The following DROSHA variants were observed in gnomAD, a reference collection of about 807,000 sequenced individuals.
DROSHA encodes ribonuclease 3.
Under a neutral mutation model 181.9 loss-of-function variants are expected in DROSHA, and 56 were observed. The ratio of observed to expected loss-of-function variants is 0.31; its 90% CI spans 0.25 to 0.38. DROSHA has a LOEUF of 0.38. DROSHA is among the 10% of genes least tolerant of loss of function. DROSHA has a pLI of 1.00. For missense variants in DROSHA, 1,218 were observed against 1,743.5 expected, an observed-to-expected ratio of 0.70 and a Z score of 5.37; for synonymous variants, 524 against 591.2, an observed-to-expected ratio of 0.89 and a Z score of 1.65.
intron 11 of DROSHA, among the ~76,000 whole-genome samples, chr5:31,501,309 C>G (rs1463521188): frequency 2.0e-5 from 3 of 152,086 alleles, no homozygotes; most frequent in African/African-American, 7.2e-5. Context: ...AGTGGGTCTA[C>G]TGAATCACAG....
At chr5:31,406,822 C>T (rs1740715320) in intron 34 of DROSHA, 31 bp downstream of exon 34, 1 of 1,598,796 alleles carries the variant, frequency 6.3e-7, no homozygotes, top group Non-Finnish European at 8.6e-7. Context: ...GATGTTCATT[C>T]AAAGCAATTC....
chr5:31,513,205 C>T (rs1031226649), intron 8 of DROSHA, among the ~76,000 whole-genome samples: 10 of 152,164 alleles, frequency 6.6e-5, no homozygotes, highest in Non-Finnish European at 1.3e-4. Context: ...CTGCATCCTG[C>T]GTGTGAGGAT....
At position 31,514,202 on chromosome 5, in the gene DROSHA, TCTTC is replaced by T. The variant is rs1739017238; in HGVS notation, c.1290+782_1290+785del. ...ACACTTCGAAGAGACAAACTCAAAT[TCTTC>T]CTTATTTTTCATTTTGGAGAAAACA... On this transcript the variant is annotated intron_variant, in intron 8 of 35. Coordinates refer to ENST00000344624, the MANE Select transcript of DROSHA (RefSeq NM_001382508.1). This position sits in a 1 kb window ranked among gnomAD's most constrained non-coding sequence, Gnocchi z 4.4. 1.3e-5 allele frequency among the ~76,000 whole-genome samples: 2 copies of T among 151,214 alleles called. No individual in the cohort carries two copies. Among genetic ancestry groups the T allele is most frequent in the South Asian group, 4.2e-4 (2 of 4,808 alleles).
chr5:31,404,210 T>C (rs1740380984), intron 35 of DROSHA, among the ~76,000 whole-genome samples: 1 of 152,130 alleles, frequency 6.6e-6, no homozygotes, highest in South Asian at 2.1e-4. Flanking sequence ...CCTACCAGTA[T>C]GGATATGCAG....
chr5:31,514,919 G>T lies in DROSHA; in HGVS notation c.1290+69C>A. On this transcript the variant is annotated intron_variant, in intron 8 of 35. Coordinates refer to ENST00000344624, the MANE Select transcript of DROSHA (RefSeq NM_001382508.1). This position sits in a 1 kb window ranked among gnomAD's most constrained non-coding sequence, Gnocchi z 4.4. ...GTCCCCACAATCAAGAATTTATCCA[G>T]CCCCAAAGGCCAATAGTGACAACGC... is the stretch of plus-strand genomic sequence containing the variant. 4 of 1,440,660 alleles carry T rather than the reference G, an allele frequency of 2.8e-6. No individual in the cohort carries two copies. The highest frequency in any genetic ancestry group is 2.9e-6 in the Non-Finnish European group (3 of 1,045,530). 89.2% of individuals were successfully genotyped at this position (1,440,660 alleles called of 1,614,324 possible). A position where few individuals can be genotyped will look rare whatever the true frequency, so the allele number is the denominator to read the frequency against.
At chr5:31,498,166 G>A (rs566868545) in intron 11 of DROSHA, among the ~76,000 whole-genome samples, 2 of 152,302 alleles carry the variant, frequency 1.3e-5, no homozygotes, top group Admixed American at 1.3e-4. Flanking sequence ...GTAGACTGCT[G>A]ACACAGGCTG....
At chr5:31,490,761 G>T (rs1440833125) in intron 13 of DROSHA, among the ~76,000 whole-genome samples, 1 of 152,066 alleles carries the variant, frequency 6.6e-6, no homozygotes, top group Non-Finnish European at 1.5e-5. Flanking sequence ...TCCTTAGGAG[G>T]CTATTTCAAA....
chr5:31,463,849 CAT>C (rs1748708417), intron 20 of DROSHA, among the ~76,000 whole-genome samples: 1 of 152,164 alleles, frequency 6.6e-6, no homozygotes, highest in Non-Finnish European at 1.5e-5. Context: ...GTCTAGAAAA[CAT>C]ACACTTTACG....
chr5:31,475,294 GAGAACAAAGTA>G (rs1455837546), intron 16 of DROSHA, among the ~76,000 whole-genome samples: 1 of 152,140 alleles, frequency 6.6e-6, no homozygotes, highest in Admixed American at 6.5e-5. Flanking sequence ...CTCCAACCTG[GAGAACAAAGTA>G]AGACCCTGTC....
intron 10 of DROSHA, among the ~76,000 whole-genome samples, chr5:31,507,195 T>C (rs1738074494): frequency 6.6e-6 from 1 of 152,066 alleles, no homozygotes; most frequent in Non-Finnish European, 1.5e-5. Flanking sequence ...GCGCAGTGGC[T>C]CACACCTGTA....
At chr5:31,527,442 G>A (rs969095299) in intron 4 of DROSHA, 5 of 155,402 alleles carry the variant, frequency 3.2e-5, no homozygotes, top group African/African-American at 1.2e-4. Flanking sequence ...GGTCTCCCTT[G>A]ACTTTGCCCC....
intron 23 of DROSHA, among the ~76,000 whole-genome samples, chr5:31,439,370 CGATT>C (rs1189847970): frequency 6.6e-6 from 1 of 152,098 alleles, no homozygotes; most frequent in Admixed American, 6.5e-5. Context: ...GCTACCAGAT[CGATT>C]GTCATAGTAT....
chr5:31,484,380 C>CAAAAAAAA (rs377304788), intron 15 of DROSHA, among the ~76,000 whole-genome samples: 11 of 82,978 alleles, frequency 1.3e-4, no homozygotes, highest in East Asian at 1.2e-3. Flanking sequence ...GACTCCGTCT[C>CAAAAAAAA]AAAAAAAAAA....
chr5:31,429,985 C>T (rs955313480), intron 26 of DROSHA, among the ~76,000 whole-genome samples: 3 of 152,062 alleles, frequency 2.0e-5, no homozygotes, highest in Non-Finnish European at 4.4e-5. Flanking sequence ...TCAATGAAGG[C>T]ATCTGCAAAC....
chr5:31,433,460 A>G (rs1424772552), intron 25 of DROSHA, among the ~76,000 whole-genome samples: 1 of 152,140 alleles, frequency 6.6e-6, no homozygotes, highest in Non-Finnish European at 1.5e-5. Context: ...CATCTACTGT[A>G]TTCTGGAGTG....
chr5:31,500,737 A>T (rs1388614629), intron 11 of DROSHA, among the ~76,000 whole-genome samples: 1 of 152,210 alleles, frequency 6.6e-6, no homozygotes, highest in African/African-American at 2.4e-5. Flanking sequence ...CAGCAGTAAT[A>T]GGGATGACAG....
At chr5:31,507,011 C>T (rs758027742) in intron 10 of DROSHA, among the ~76,000 whole-genome samples, 1 of 152,130 alleles carries the variant, frequency 6.6e-6, no homozygotes, top group African/African-American at 2.4e-5. Flanking sequence ...CAGGAAACAA[C>T]AGTCAAGTAA....
chr5:31,411,927 C>CA lies in DROSHA; in HGVS notation c.3526-1041dup, dbSNP rs1325252992. ...CAGGCGTGAGCCACTGCGCCCAGCC[C>CA]ATACTGGTATCCTTTGTCTCTAATC... On this transcript the variant is annotated intron_variant, in intron 30 of 35. Transcript: ENST00000344624. This position sits in a 1 kb window ranked among gnomAD's most constrained non-coding sequence, Gnocchi z 4.2. Among the ~76,000 whole-genome samples, 59 of 152,308 alleles carry CA rather than the reference C, an allele frequency of 3.9e-4. 1 individual carries two copies. Among genetic ancestry groups the CA allele is most frequent in the Middle Eastern group, 3.4e-3 (1 of 294 alleles).
intron 20 of DROSHA, among the ~76,000 whole-genome samples, chr5:31,459,014 G>C: frequency 6.6e-6 from 1 of 152,164 alleles, no homozygotes; most frequent in East Asian, 1.9e-4. Context: ...ACAGATTAAA[G>C]AGACTTAAAC....
Sources: gnomAD v4.1 joint callset for allele counts (sites outside exome capture counted in the v4.1 genomes callset) on GRCh38, gnomAD v4.1.1 for gene constraint, Gnocchi (gnomAD v3.1) non-coding constraint, MANE v1.5 for transcripts, NCBI Gene and HGNC (gene_info 2026-07-23, HGNC 2026-07-21) for gene names.